The following CCDC178 variants were observed in gnomAD, a reference collection of about 807,000 sequenced individuals.
The protein encoded by CCDC178 is coiled-coil domain-containing protein 178.
A neutral mutation model predicts 117.4 loss-of-function variants in CCDC178; 126 were observed. That is an observed-to-expected ratio of 1.07 (90% confidence interval 0.93 to 1.24). The LOEUF (loss-of-function observed/expected upper bound fraction) is 1.24. Ranked by LOEUF, CCDC178 falls within the 50% of genes most tolerant of loss-of-function variation. The pLI, the probability that CCDC178 is intolerant of heterozygous loss-of-function variation, is 0.00. For missense variants in CCDC178, 1,030 were observed against 986.9 expected (o/e 1.04, Z -0.59); for synonymous variants, 283 against 313.4 (o/e 0.90, Z 1.02).
In CCDC178 at chr18:33,313,616, C is replaced by T. The variant is rs998308673; in HGVS notation, c.1022+9875G>A. 2.0e-5 allele frequency among the ~76,000 whole-genome samples: 3 copies of T among 152,222 alleles called. No individual in the cohort carries two copies. In the East Asian group the frequency reaches 5.8e-4, roughly 29 times the overall value. On this transcript the variant is annotated intron_variant, in intron 11 of 22. Coordinates refer to ENST00000383096, the MANE Select transcript of CCDC178 (RefSeq NM_001105528.4). Reference sequence around the variant, plus strand: ...AGGAAGTCCTTTATAACTGGGTTTGCAAAAGTATGACTGGGATCTTCATGG... The same window carrying T: ...AGGAAGTCCTTTATAACTGGGTTTGTAAAAGTATGACTGGGATCTTCATGG...
intron 9 of CCDC178, 88 bp from the exon 10 acceptor site, chr18:33,333,482 ATTCCT>A: frequency 3.7e-6 from 2 of 543,114 alleles, no homozygotes; most frequent in Non-Finnish European, 5.9e-6. Context: ...AATTTCAGAA[ATTCCT>A]TATTTGTGAA....
chr18:33,356,706 T>C (rs2063062306), intron 6 of CCDC178, among the ~76,000 whole-genome samples: 1 of 152,144 alleles, frequency 6.6e-6, no homozygotes, highest in African/African-American at 2.4e-5. Context: ...AAAAGACTCT[T>C]TGTAGCAATA....
intron 17 of CCDC178, among the ~76,000 whole-genome samples, chr18:33,224,488 T>C (rs867852907): frequency 6.6e-6 from 1 of 152,164 alleles, no homozygotes; most frequent in African/African-American, 2.4e-5. Context: ...AGTGAAGACT[T>C]TGAATCAAGT....
In CCDC178 at chr18:33,145,893, A is replaced by C. The variant is rs374660462; in HGVS notation, c.2239-52983T>G. Among the ~76,000 whole-genome samples, 16 of 152,360 alleles carry C rather than the reference A, an allele frequency of 1.1e-4. No homozygotes were observed. In the East Asian group the frequency reaches 2.9e-3, roughly 28 times the overall value. On this transcript the variant is annotated intron_variant, in intron 20 of 22. Transcript: ENST00000383096. ...CTGTGGATTAGAAATCAAAAGATAT[A>C]GTCTTACATCCTGGAGATTTGGGAA...
At chr18:33,004,030 CA>C (rs992930102) in intron 21 of CCDC178, among the ~76,000 whole-genome samples, 14 of 151,672 alleles carry the variant, frequency 9.2e-5, no homozygotes, top group African/African-American at 2.7e-4. Context: ...GAAAAGGACA[CA>C]AAAAAATAGA....
intron 22 of CCDC178, among the ~76,000 whole-genome samples, chr18:32,949,858 G>A (rs954059132): frequency 6.6e-6 from 1 of 151,954 alleles, no homozygotes; most frequent in African/African-American, 2.4e-5. Context: ...CAGATTTGTT[G>A]TGGCATGCAG....
At chr18:33,184,330 G>A (rs1374332979) in intron 20 of CCDC178, among the ~76,000 whole-genome samples, 2 of 151,954 alleles carry the variant, frequency 1.3e-5, no homozygotes, top group Non-Finnish European at 2.9e-5. Context: ...ATATTGTACA[G>A]AATAAGAGGA....
intron 5 of CCDC178, among the ~76,000 whole-genome samples, chr18:33,384,030 G>A (rs911127084): frequency 1.3e-5 from 2 of 152,004 alleles, no homozygotes; most frequent in African/African-American, 4.8e-5. Flanking sequence ...TGACCTGATG[G>A]AGCTGAAAAA....
rs111737821 is a variant in CCDC178 at position 33,288,239 on chromosome 18, G to C, written c.1176+4920C>G. ...TCCTCCTCTCCTCCTCCTCCCCTCCGCTCCCCTCCTCTCCCCTTCCCTCCC... is the reference window on the plus strand; with the variant it reads ...TCCTCCTCTCCTCCTCCTCCCCTCCCCTCCCCTCCTCTCCCCTTCCCTCCC... On this transcript the variant is annotated intron_variant, in intron 12 of 22. Transcript: ENST00000383096. Among the ~76,000 whole-genome samples the C allele has an allele frequency of 6.9e-3, 470 of 67,854 alleles. 4 individuals are homozygous for C. The highest frequency in any genetic ancestry group is 0.029 in the African/African-American group (423 of 14,790). 44.5% of individuals were successfully genotyped at this position (67,854 alleles called of 152,430 possible).
intron 15 of CCDC178, among the ~76,000 whole-genome samples, chr18:33,243,369 C>T (rs1352533439): frequency 1.3e-5 from 2 of 151,686 alleles, no homozygotes; most frequent in African/African-American, 2.4e-5. Context: ...GAATAATATA[C>T]ATTTTCAAAT....
intron 14 of CCDC178, among the ~76,000 whole-genome samples, chr18:33,261,488 T>C (rs767913416): frequency 2.6e-5 from 4 of 152,214 alleles, no homozygotes; most frequent in Non-Finnish European, 2.9e-5. Context: ...TGGGTAGTAT[T>C]ATCAGACACC....
intron 21 of CCDC178, among the ~76,000 whole-genome samples, chr18:33,035,437 A>G (rs1200746792): frequency 5.3e-5 from 8 of 152,056 alleles, no homozygotes; most frequent in African/African-American, 1.9e-4. Context: ...TCAGTCATAA[A>G]AAAGAATAAA....
chr18:33,221,626 A>G (rs2059235240), intron 18 of CCDC178, among the ~76,000 whole-genome samples: 1 of 152,106 alleles, frequency 6.6e-6, no homozygotes, highest in South Asian at 2.1e-4. Context: ...TTGGCTCTTG[A>G]ACTATACTTC....
chr18:33,239,842 A>G (rs925496725), intron 15 of CCDC178, among the ~76,000 whole-genome samples: 1 of 151,864 alleles, frequency 6.6e-6, no homozygotes, highest in Non-Finnish European at 1.5e-5. Flanking sequence ...TCTAAATAGC[A>G]CCATTGACCA....
intron 21 of CCDC178, among the ~76,000 whole-genome samples, chr18:33,045,239 C>T (rs1300356127): frequency 6.6e-6 from 1 of 151,990 alleles, no homozygotes; most frequent in Non-Finnish European, 1.5e-5. Flanking sequence ...AAGATTAAAT[C>T]ATGTATTTAT....
intron 20 of CCDC178, among the ~76,000 whole-genome samples, chr18:33,190,471 T>C (rs1269218174): frequency 6.6e-6 from 1 of 152,182 alleles, no homozygotes; most frequent in Non-Finnish European, 1.5e-5. Context: ...TTTTTATGAG[T>C]TGGTTGTTTC....
At chr18:33,438,223 G>T (rs976275982) in intron 2 of CCDC178, among the ~76,000 whole-genome samples, 1 of 152,066 alleles carries the variant, frequency 6.6e-6, no homozygotes, top group African/African-American at 2.4e-5. Context: ...GAGAAAGCCA[G>T]ATAAGATCCT....
intron 22 of CCDC178, among the ~76,000 whole-genome samples, chr18:32,955,399 G>C (rs1418229685): frequency 6.6e-6 from 1 of 152,042 alleles, no homozygotes; most frequent in African/African-American, 2.4e-5. Flanking sequence ...TTAGTACTCT[G>C]TTTGTCTTTT....
chr18:33,147,700 T>C (rs2058287887), intron 20 of CCDC178, among the ~76,000 whole-genome samples: 1 of 152,054 alleles, frequency 6.6e-6, no homozygotes, highest in African/African-American at 2.4e-5. Context: ...GGTTATAGAT[T>C]AACAGCATCC....
Sources: gnomAD v4.1 joint callset for allele counts (sites outside exome capture counted in the v4.1 genomes callset) on GRCh38, gnomAD v4.1.1 for gene constraint, MANE v1.5 for transcripts, NCBI Gene and HGNC (gene_info 2026-07-23, HGNC 2026-07-21) for gene names.